The following TASOR2 variants were observed in gnomAD, a reference collection of about 807,000 sequenced individuals.
TASOR2 encodes the protein protein TASOR 2.
TASOR2 carries 84 observed loss-of-function variants against 199.5 expected under a neutral mutation model. The ratio of observed to expected loss-of-function variants is 0.42; its 90% CI spans 0.35 to 0.50. The LOEUF is 0.50. Ranked by LOEUF, TASOR2 falls within the 20% of genes least tolerant of loss-of-function variation. The pLI, the probability that TASOR2 is intolerant of heterozygous loss-of-function variation, is 0.02. For missense variants in TASOR2, 2,796 were observed against 2,835.9 expected, an observed-to-expected ratio of 0.99 and a Z score of 0.32; for synonymous variants, 1,103 against 1,046.6, an observed-to-expected ratio of 1.05 and a Z score of -1.04.
chr10:5,687,879 C>T lies in TASOR2; in HGVS notation c.-288+2704C>T, dbSNP rs1188721891. 3.9e-5 allele frequency among the ~76,000 whole-genome samples: 6 copies of T among 152,112 alleles called. No homozygotes were observed. Among genetic ancestry groups the T allele is most frequent in the African/African-American group, 9.7e-5 (4 of 41,410 alleles). ...TTGGATTATATCAATTGATAATTACCGTATTAGATATTAAAACTGATAAAT... is the reference window on the plus strand; with the variant it reads ...TTGGATTATATCAATTGATAATTACTGTATTAGATATTAAAACTGATAAAT... On this transcript the variant is annotated intron_variant, in intron 1 of 20. Coordinates refer to ENST00000328090, the Ensembl canonical transcript of TASOR2. The surrounding 1 kb of genome is among the most constrained non-coding windows in gnomAD (Gnocchi z 4.8).
chr10:5,759,278 A>G (rs571831493), intron 18 of TASOR2, among the ~76,000 whole-genome samples: 1 of 152,354 alleles, frequency 6.6e-6, no homozygotes, highest in South Asian at 2.1e-4. Flanking sequence ...TTTAAAAAAT[A>G]TATGGAACTT....
chr10:5,734,894 A>G (rs1488332869), intron 11 of TASOR2, among the ~76,000 whole-genome samples: 2 of 151,642 alleles, frequency 1.3e-5, no homozygotes, highest in Admixed American at 6.6e-5. Context: ...GTGTCTTGCC[A>G]TGTTGCCCAG....
intron 1 of TASOR2, among the ~76,000 whole-genome samples, chr10:5,705,636 G>A (rs1838488126): frequency 6.6e-6 from 1 of 152,050 alleles, no homozygotes; most frequent in African/African-American, 2.4e-5. Flanking sequence ...CCTTGCCAAC[G>A]CTTGGTATTT....
intron 15 of TASOR2, among the ~76,000 whole-genome samples, chr10:5,753,252 C>CAACT (rs1175741172): frequency 6.6e-6 from 1 of 152,172 alleles, no homozygotes. Context: ...TATTTTGAGT[C>CAACT]AACTAACTAT....
exon 15 of TASOR2, chr10:5,747,606 A>G: frequency 6.2e-7 from 1 of 1,614,190 alleles, no homozygotes; most frequent in South Asian, 1.1e-5. Context: ...TTGATTCTGT[A>G]ATTGAAGAAG....
At chr10:5,717,602 A>T in intron 2 of TASOR2, 57 bp from the exon 4 acceptor site, 1 of 695,552 alleles carries the variant, frequency 1.4e-6, no homozygotes, top group Non-Finnish European at 2.0e-6. Context: ...TCTTGCTTCT[A>T]CTTTCTCCTG....
At position 5,706,510 on chromosome 10, in the gene TASOR2, AAAG is replaced by A. The variant is rs1296187445; in HGVS notation, c.-287-6309_-287-6307del. 6.6e-6 allele frequency among the ~76,000 whole-genome samples: 1 copy of A among 152,234 alleles called. No individual in the cohort carries two copies. The highest frequency in any genetic ancestry group is 2.4e-5 in the African/African-American group (1 of 41,450). On this transcript the variant is annotated intron_variant, in intron 1 of 20. Coordinates refer to ENST00000328090, the Ensembl canonical transcript of TASOR2. This position sits in a 1 kb window ranked among gnomAD's most constrained non-coding sequence, Gnocchi z 4.8. The stretch of plus-strand genomic sequence containing the variant: ...CAGAAAGGTCCTTCCAAAAAAAAGA[AAAG>A]AAGCTGCTCAAAACAGACAAAATCT...
At chr10:5,692,027 T>A (rs1564243683) in intron 1 of TASOR2, among the ~76,000 whole-genome samples, 1 of 151,560 alleles carries the variant, frequency 6.6e-6, no homozygotes, top group Non-Finnish European at 1.5e-5. Context: ...ATACAAAAAT[T>A]AGCTAGGCGT....
chr10:5,691,713 A>G (rs1190335491), intron 1 of TASOR2, among the ~76,000 whole-genome samples: 2 of 152,164 alleles, frequency 1.3e-5, no homozygotes, highest in Non-Finnish European at 2.9e-5. Context: ...GTTAAAACAT[A>G]ATGAGTAAAG....
intron 1 of TASOR2, among the ~76,000 whole-genome samples, chr10:5,711,498 C>A (rs1389788893): frequency 1.3e-5 from 2 of 152,048 alleles, no homozygotes; most frequent in South Asian, 2.1e-4. Context: ...TAAAACCCCC[C>A]AACCTTAATA....
chr10:5,733,609 A>C (rs181797971), intron 11 of TASOR2, among the ~76,000 whole-genome samples: 99 of 152,362 alleles, frequency 6.5e-4, no homozygotes, highest in Non-Finnish European at 1.0e-3. Flanking sequence ...ACATGTAAAC[A>C]AAACAATCTA....
chr10:5,701,673 ACTT>A lies in TASOR2; in HGVS notation c.-287-11146_-287-11144del, dbSNP rs1837870524. On this transcript the variant is annotated intron_variant, in intron 1 of 20. Coordinates refer to ENST00000328090, the Ensembl canonical transcript of TASOR2. This position sits in a 1 kb window ranked among gnomAD's most constrained non-coding sequence, Gnocchi z 4.9. ...ATAGTTTTTCTTGTATAGATCTTTC[ACTT>A]CTTTGGCTAAATTGATTCCTAGGTA... is the stretch of plus-strand genomic sequence containing the variant. 6.6e-6 allele frequency among the ~76,000 whole-genome samples: 1 copy of A among 151,916 alleles called. No homozygotes were observed. Among genetic ancestry groups the A allele is most frequent in the Non-Finnish European group, 1.5e-5 (1 of 67,950 alleles).
chr10:5,714,078 AT>A, intron 2 of TASOR2, 56 bp from the exon 3 acceptor site: 2 of 902,874 alleles, frequency 2.2e-6, no homozygotes, highest in Non-Finnish European at 2.9e-6. Context: ...AACCTTACAG[AT>A]TATAGCATTT....
chr10:5,746,728 C>T lies in TASOR2; in HGVS notation c.3307C>T (p.Arg1103Ter), dbSNP rs997402217. The T allele has an allele frequency of 1.1e-5, 17 of 1,613,970 alleles. No homozygotes were observed. The highest frequency in any genetic ancestry group is 1.7e-5 in the Admixed American group (1 of 59,996). ...TCCTGTATCCACCTCGGAAAATGCA[C>T]GAACACAAGGCCTGAGGGACATTCC... The change falls in exon 15 of 21, where the codon CGA becomes TGA. Residue 1103 changes from arginine (R) to a stop codon, truncating the protein, a stop_gained. Transcript: ENST00000328090. LOFTEE classifies it high-confidence loss of function.
chr10:5,703,242 G>A (rs1237153850), intron 1 of TASOR2, among the ~76,000 whole-genome samples: 1 of 152,052 alleles, frequency 6.6e-6, no homozygotes, highest in Non-Finnish European at 1.5e-5. Flanking sequence ...GTACTTTAAT[G>A]TCTCACCATT....
At position 5,723,765 on chromosome 10, in the gene TASOR2, T is replaced by C. The variant is rs768807570; in HGVS notation, c.235T>C (p.Leu79=). ...GGCTGCCTTCAGAAAACAGAATTAC[T>C]TGGAGGAGAAAGGTCTGTTGAAATG... Residue 79 remains leucine (L), a synonymous_variant, in exon 7 of 21, where the codon TTG becomes CTG. Transcript: ENST00000328090. 4 of 1,600,224 alleles carry C rather than the reference T, an allele frequency of 2.5e-6. No homozygotes were observed. In the South Asian group the frequency reaches 4.5e-5, roughly 18 times the overall value.
chr10:5,739,643 T>A, exon 13 of TASOR2: 1 of 1,613,212 alleles, frequency 6.2e-7, no homozygotes, highest in Non-Finnish European at 8.5e-7. Context: ...CTTCAAAGCT[T>A]CAATCAGAAA....
At chr10:5,697,137 C>G (rs1285904950) in intron 1 of TASOR2, among the ~76,000 whole-genome samples, 1 of 152,072 alleles carries the variant, frequency 6.6e-6, no homozygotes, top group East Asian at 1.9e-4. Flanking sequence ...CAGAAACAAA[C>G]AAAAAATAAA....
Position 5,730,994 on chromosome 10 carries a change from C to G in TASOR2, c.995C>G (p.Ala332Gly). 6.2e-7 allele frequency: 1 copy of G among 1,613,980 alleles called. No individual in the cohort carries two copies. ...AAGGATTCTGAAGAAATGTTGAAAGCAAAGAAGAGAGTTTTTCCATTGAGT... is the reference window on the plus strand; with the variant it reads ...AAGGATTCTGAAGAAATGTTGAAAGGAAAGAAGAGAGTTTTTCCATTGAGT... Residue 332 changes from alanine (A) to glycine (G), a missense_variant, in exon 11 of 21, where the codon GCA (alanine) becomes GGA (glycine). By Grantham distance (60) the Ala-to-Gly change is moderately conservative (BLOSUM62 0). This residue lies in a region of TASOR2 where 847 missense variants were observed against 887.4 expected (regional missense o/e 0.95). Transcript: ENST00000328090. This position sits in a 1 kb window ranked among gnomAD's most constrained non-coding sequence, Gnocchi z 4.1.
Sources: allele counts gnomAD v4.1 joint callset (sites outside exome capture counted in the v4.1 genomes callset), GRCh38; gene constraint gnomAD v4.1.1; regional missense constraint gnomAD v4.1.1; non-coding constraint Gnocchi (gnomAD v3.1); transcripts MANE v1.5; gene names NCBI Gene and HGNC (gene_info 2026-07-23, HGNC 2026-07-21).